The following ANKH variants were observed in gnomAD, a reference collection of about 807,000 sequenced individuals.
The protein encoded by ANKH is ANKH inorganic pyrophosphate transport regulator.
In ANKH, 15 loss-of-function variants were observed where a neutral mutation model predicts 49.0. The ratio of observed to expected loss-of-function variants is 0.31; its 90% confidence interval spans 0.20 to 0.47. The LOEUF (loss-of-function observed/expected upper bound fraction) is 0.47, where lower values mean the gene tolerates loss of function less well. Ranked by LOEUF, ANKH falls within the 20% of genes least tolerant of loss-of-function variation. ANKH has a pLI of 1.00. For missense variants in ANKH, 429 were observed against 652.0 expected, an observed-to-expected ratio of 0.66 and a Z score of 3.72; for synonymous variants, 273 against 260.0, an observed-to-expected ratio of 1.05 and a Z score of -0.48.
Position 14,745,079 on chromosome 5 carries a change from G to A in ANKH, c.915+791C>T, listed in dbSNP as rs1019715708. On this transcript the variant is annotated intron_variant, in intron 7 of 11. Transcript: ENST00000284268. This position sits in a 1 kb window ranked among gnomAD's most constrained non-coding sequence, Gnocchi z 4.7. ...GATAAGACAGTGTGATGCTGGCAGT[G>A]GCTGCTAGTTCTGCAGACATTCAAG... Among the ~76,000 whole-genome samples, 1 of 152,202 alleles carries A rather than the reference G, an allele frequency of 6.6e-6. No individual in the cohort carries two copies. Among genetic ancestry groups the A allele is most frequent in the African/African-American group, 2.4e-5 (1 of 41,444 alleles).
chr5:14,835,479 G>C (rs1741625435), intron 1 of ANKH, among the ~76,000 whole-genome samples: 1 of 152,126 alleles, frequency 6.6e-6, no homozygotes, highest in Non-Finnish European at 1.5e-5. Flanking sequence ...TGCGTTCAGT[G>C]GTGAAAAGCC....
chr5:14,847,109 G>A (rs907714448), intron 1 of ANKH, among the ~76,000 whole-genome samples: 10 of 151,762 alleles, frequency 6.6e-5, no homozygotes, highest in African/African-American at 1.5e-4. Flanking sequence ...GGCAAAAAGC[G>A]TTGCTCTTAG....
chr5:14,811,362 A>G (rs1012891256), intron 1 of ANKH, among the ~76,000 whole-genome samples: 14 of 152,214 alleles, frequency 9.2e-5, no homozygotes, highest in African/African-American at 3.4e-4. Context: ...TGACCTCTCC[A>G]CTGGCCACTC....
At position 14,758,463 on chromosome 5, in the gene ANKH, C is replaced by T. The variant is rs765294703; in HGVS notation, c.432+17G>A. On this transcript the variant is annotated intron_variant, in intron 3 of 11. Coordinates refer to ENST00000284268, the MANE Select transcript of ANKH (RefSeq NM_054027.6). ...GTTAAAGAAAAAGAAAGAAAGCCAA[C>T]GATCTTCTCTACTCACCATTGCGTC... 1.7e-5 allele frequency: 27 copies of T among 1,587,736 alleles called. No homozygotes were observed. The highest frequency in any genetic ancestry group is 4.5e-5 in the East Asian group (2 of 44,734).
intron 1 of ANKH, among the ~76,000 whole-genome samples, chr5:14,842,918 G>C (rs1320083723): frequency 1.3e-5 from 2 of 152,202 alleles, no homozygotes; most frequent in African/African-American, 4.8e-5. Flanking sequence ...AATTCCTAGA[G>C]AGAAGATCTG....
At chr5:14,849,119 A>G (rs2126619113) in intron 1 of ANKH, among the ~76,000 whole-genome samples, 1 of 152,332 alleles carries the variant, frequency 6.6e-6, no homozygotes, top group East Asian at 1.9e-4. Context: ...TCCCAGTGCT[A>G]TGCTTACTTC....
chr5:14,797,340 T>C, intron 1 of ANKH: 1 of 1,605,274 alleles, frequency 6.2e-7, no homozygotes, highest in South Asian at 1.1e-5. Flanking sequence ...TTCTGGGGAT[T>C]GTTCCTCTCC....
intron 1 of ANKH, among the ~76,000 whole-genome samples, chr5:14,793,024 ATATATATATAAAAAT>A: frequency 2.3e-5 from 1 of 43,130 alleles, no homozygotes; most frequent in Non-Finnish European, 4.6e-5. Flanking sequence ...ATATATAAAT[ATATATATATAAAAAT>A]ATATATATAA....
rs1736963524 is a variant in ANKH at position 14,706,924 on chromosome 5, G to A, written c.*4273C>T. Reference sequence around the variant, plus strand: ...TACAGAATGCAGGCAGGAGCTGCTGGCTTTGAACCGGCTGAATGTGCAATG... The same window carrying A: ...TACAGAATGCAGGCAGGAGCTGCTGACTTTGAACCGGCTGAATGTGCAATG... On this transcript the variant is annotated 3_prime_UTR_variant, in exon 12 of 12. Transcript: ENST00000284268. 1 of 152,208 alleles carries A rather than the reference G, an allele frequency of 6.6e-6. No individual in the cohort carries two copies. Among genetic ancestry groups the A allele is most frequent in the African/African-American group, 2.4e-5 (1 of 41,454 alleles). 9.4% of individuals were successfully genotyped at this position (152,208 alleles called of 1,614,324 possible).
intron 1 of ANKH, among the ~76,000 whole-genome samples, chr5:14,825,260 C>G (rs1741307651): frequency 6.6e-6 from 1 of 152,218 alleles, no homozygotes. Context: ...AACTACTCAG[C>G]TATTCCATGG....
At chr5:14,794,222 GAC>G (rs1247560401) in intron 1 of ANKH, among the ~76,000 whole-genome samples, 3 of 152,222 alleles carry the variant, frequency 2.0e-5, no homozygotes. Flanking sequence ...ATTTTCAAAG[GAC>G]AGTTATTTTA....
intron 1 of ANKH, among the ~76,000 whole-genome samples, chr5:14,806,510 C>T (rs562419442): frequency 4.6e-5 from 7 of 152,228 alleles, no homozygotes; most frequent in African/African-American, 1.4e-4. Context: ...TCCCCATTCA[C>T]ACTACAAACC....
chr5:14,827,726 A>G (rs1741384546), intron 1 of ANKH, among the ~76,000 whole-genome samples: 1 of 150,698 alleles, frequency 6.6e-6, no homozygotes, highest in African/African-American at 2.5e-5. Context: ...ATTTCTCCTT[A>G]TATCAAAACT....
intron 1 of ANKH, among the ~76,000 whole-genome samples, chr5:14,844,213 A>G (rs1741893808): frequency 6.6e-6 from 1 of 152,220 alleles, no homozygotes; most frequent in South Asian, 2.1e-4. Context: ...AAGTCTTGGG[A>G]CAGTTCTGAT....
At chr5:14,802,778 T>C (rs1740602075) in intron 1 of ANKH, among the ~76,000 whole-genome samples, 1 of 152,108 alleles carries the variant, frequency 6.6e-6, no homozygotes, top group African/African-American at 2.4e-5. Flanking sequence ...TCTGAAGCCT[T>C]TCTCTGATCC....
intron 1 of ANKH, among the ~76,000 whole-genome samples, chr5:14,818,644 C>CAAAAAA (rs34629052): frequency 7.7e-5 from 5 of 64,876 alleles, no homozygotes; most frequent in South Asian, 7.3e-4. Flanking sequence ...AACTCCATCT[C>CAAAAAA]AAAAAAAAAA....
chr5:14,794,843 A>C (rs1740321817), intron 1 of ANKH, among the ~76,000 whole-genome samples: 2 of 152,232 alleles, frequency 1.3e-5, no homozygotes, highest in Non-Finnish European at 1.5e-5. Context: ...TTGCCCTTTG[A>C]AGAAATATAT....
chr5:14,811,590 A>G (rs1379698128), intron 1 of ANKH, among the ~76,000 whole-genome samples: 1 of 152,254 alleles, frequency 6.6e-6, no homozygotes, highest in Non-Finnish European at 1.5e-5. Context: ...GAAAATAACA[A>G]AAAGAATATT....
At chr5:14,798,160 T>TG in intron 1 of ANKH, 2 of 1,559,842 alleles carry the variant, frequency 1.3e-6, no homozygotes, top group South Asian at 2.2e-5. Flanking sequence ...ACACTGGCTA[T>TG]AACAAGATGG....
Sources: allele counts gnomAD v4.1 joint callset (sites outside exome capture counted in the v4.1 genomes callset), GRCh38; gene constraint gnomAD v4.1.1; non-coding constraint Gnocchi (gnomAD v3.1); transcripts MANE v1.5; gene names NCBI Gene and HGNC (gene_info 2026-07-23, HGNC 2026-07-21).